Variants in PKD2 observed in about 807,000 individuals in gnomAD.
PKD2 encodes the protein polycystin-2.
A neutral mutation model predicts 105.9 loss-of-function variants in PKD2; 48 were observed. The observed-to-expected ratio is 0.45, with a 90% CI of 0.36 to 0.58. The LOEUF (loss-of-function observed/expected upper bound fraction) is 0.58, where lower values mean the gene tolerates loss of function less well. Among genes scored for constraint, PKD2 ranks in the 20% least tolerant of loss-of-function variants. PKD2 has a pLI of 0.00. For synonymous variants in PKD2, 464 were observed against 481.1 expected, an observed-to-expected ratio of 0.96 and a Z score of 0.46; for missense variants, 1,078 against 1,255.3, an observed-to-expected ratio of 0.86 and a Z score of 2.13.
At position 88,013,717 on chromosome 4, in the gene PKD2, A is replaced by AAAAAAAG. The variant is rs1489729554; in HGVS notation, c.595+5391_595+5397dup. Among the ~76,000 whole-genome samples the AAAAAAAG allele has an allele frequency of 4.6e-5, 7 of 152,172 alleles. No individual in the cohort carries two copies. In the East Asian group the frequency reaches 1.4e-3, roughly 29 times the overall value. ...AGGTGAGAGCCTGTATCTAAAAAAAAAAAAAAGAGAGGATCAGATTTACCT... is the reference window on the plus strand; with the variant it reads ...AGGTGAGAGCCTGTATCTAAAAAAAAAAAAAAGAAAAAAGAGAGGATCAGATTTACCT... On this transcript the variant is annotated intron_variant, in intron 1 of 14. Transcript: ENST00000237596.
chr4:88,054,068 TTAATAA>T (rs1214606405), intron 7 of PKD2, among the ~76,000 whole-genome samples: 1 of 150,130 alleles, frequency 6.7e-6, no homozygotes, highest in Non-Finnish European at 1.5e-5. Flanking sequence ...TATTATTAGT[TTAATAA>T]TAATAATCAA....
chr4:88,036,410 T>C lies in PKD2; in HGVS notation c.843+57T>C, dbSNP rs17786456. The C allele has an allele frequency of 0.29, 469,684 of 1,604,154 alleles. 75,164 individuals carry two copies. Among genetic ancestry groups the C allele is most frequent in the Non-Finnish European group, 0.33 (390,196 of 1,173,652 alleles). ...TATCACAGAAAATTGTTCATTTGGC[T>C]TCATCATTTCAATGCATGAGTATCG... is the stretch of plus-strand genomic sequence containing the variant. On this transcript the variant is annotated intron_variant, in intron 3 of 14. Transcript: ENST00000237596.
In PKD2 at chr4:88,067,804, G is replaced by A. The variant is rs147905401; in HGVS notation, c.2359-94G>A. 27 of 1,004,756 alleles carry A rather than the reference G, an allele frequency of 2.7e-5. No individual in the cohort carries two copies. The African/African-American group carries it at 3.3e-4, about 12-fold the overall frequency. 62.2% of individuals were successfully genotyped at this position (1,004,756 alleles called of 1,614,324 possible). On this transcript the variant is annotated intron_variant, in intron 12 of 14. Coordinates refer to ENST00000237596, the MANE Select transcript of PKD2 (RefSeq NM_000297.4). ...AATACAAAGAAATCCCAGGTAAATG[G>A]CATGCACCCAGTTCCTGCTTGCCCA...
chr4:88,039,901 C>T (rs191717212), intron 4 of PKD2, among the ~76,000 whole-genome samples: 19 of 152,232 alleles, frequency 1.2e-4, no homozygotes, highest in African/African-American at 4.3e-4. Context: ...GCCACCATGC[C>T]CAGCTTTATT....
chr4:88,067,713 C>G (rs189927634), intron 12 of PKD2, among the ~76,000 whole-genome samples, 185 bp from the exon 13 acceptor site: 1 of 152,120 alleles, frequency 6.6e-6, no homozygotes, highest in Non-Finnish European at 1.5e-5. Flanking sequence ...GTTGGCTATT[C>G]CTTGCTGTTA....
At chr4:88,059,741 A>ATATG (rs1398179288) in intron 9 of PKD2, among the ~76,000 whole-genome samples, 7 of 142,872 alleles carry the variant, frequency 4.9e-5, no homozygotes, top group East Asian at 2.4e-4. Context: ...AGATACATAC[A>ATATG]TACGTACATA....
Position 88,074,907 on chromosome 4 carries a change from C to G in PKD2, c.2618C>G (p.Ala873Gly), listed in dbSNP as rs1463305984. ...GTGAAGCTAGAGATTATGGAGCGAG[C>G]CAAACTGAAGAGGAGGGAGGTGCTG... Reference protein sequence around the residue: ...VIVKLEIMERAKLKRREVLGR... With the variant: ...VIVKLEIMERGKLKRREVLGR... Residue 873 changes from alanine (A) to glycine (G), a missense_variant, in exon 14 of 15, where the codon GCC becomes GGC. Ala to Gly is a moderately conservative substitution (Grantham distance 60). This residue lies in a region of PKD2 where 868 missense variants were observed against 1,067.3 expected (regional missense o/e 0.81). Coordinates refer to ENST00000237596, the MANE Select transcript of PKD2 (RefSeq NM_000297.4). 1 of 1,613,962 alleles carries G rather than the reference C, an allele frequency of 6.2e-7. No homozygotes were observed. The highest frequency in any genetic ancestry group is 1.7e-5 in the Admixed American group (1 of 59,984).
rs753896366 is a variant in PKD2 at position 88,065,544 on chromosome 4, T to G, written c.2240+49T>G. ...TCTGAAAAATTCCTGCTTCTAAAGATAAATTCCTGGTGATAAGAGTATTTC... is the reference window on the plus strand; with the variant it reads ...TCTGAAAAATTCCTGCTTCTAAAGAGAAATTCCTGGTGATAAGAGTATTTC... On this transcript the variant is annotated intron_variant, in intron 11 of 14. Coordinates refer to ENST00000237596, the MANE Select transcript of PKD2 (RefSeq NM_000297.4). The G allele has an allele frequency of 3.1e-6, 5 of 1,587,594 alleles. No individual in the cohort carries two copies. The East Asian group carries it at 8.9e-5, about 28-fold the overall frequency.
At chr4:88,060,429 A>T (rs1720525697) in intron 9 of PKD2, among the ~76,000 whole-genome samples, 1 of 137,028 alleles carries the variant, frequency 7.3e-6, no homozygotes, top group East Asian at 2.6e-4. Flanking sequence ...GTATTTACTA[A>T]GCCACTATAT....
intron 2 of PKD2, among the ~76,000 whole-genome samples, chr4:88,023,781 G>GC (rs1372659858): frequency 2.0e-5 from 3 of 152,184 alleles, no homozygotes; most frequent in Non-Finnish European, 4.4e-5. Context: ...AGTTATTCTT[G>GC]CCAAAGATTG....
In PKD2 at chr4:88,008,422, A is replaced by C. The variant is rs1001574566; in HGVS notation, c.595+94A>C. ...CCGCTGCGGCAGCTCCCCGGGCTCC[A>C]TCTCGCATCCCCTCTGCGTTCCGCC... On this transcript the variant is annotated intron_variant, in intron 1 of 14. Coordinates refer to ENST00000237596, the MANE Select transcript of PKD2 (RefSeq NM_000297.4). The C allele has an allele frequency of 1.6e-5, 22 of 1,418,038 alleles. 2 individuals carry two copies. The South Asian group carries it at 2.4e-4, about 15-fold the overall frequency. 87.8% of individuals were successfully genotyped at this position (1,418,038 alleles called of 1,614,324 possible).
chr4:88,027,975 C>G (rs1192035295), intron 2 of PKD2, among the ~76,000 whole-genome samples: 1 of 152,214 alleles, frequency 6.6e-6, no homozygotes, highest in East Asian at 1.9e-4. Flanking sequence ...TGCCTATTCT[C>G]AGGCAGTTCT....
At chr4:88,062,068 C>A in intron 10 of PKD2, 64 bp downstream of exon 10, 1 of 838,300 alleles carries the variant, frequency 1.2e-6, no homozygotes. Flanking sequence ...TTGTTTCACC[C>A]AGATTTTCAA....
rs1292550793 is a variant in PKD2 at position 88,008,224 on chromosome 4, G to A, written c.491G>A (p.Cys164Tyr). Residue 164 changes from cysteine to tyrosine, a missense_variant, in exon 1 of 15, where the codon TGC becomes TAC. Coordinates refer to ENST00000237596, the MANE Select transcript of PKD2 (RefSeq NM_000297.4). ...RRRREDQGPP[C>Y]PSPVGGGDPL... Reference sequence around the variant, plus strand: ...CGGCGAGAGGACCAGGGCCCGCCGTGCCCCAGCCCAGTCGGCGGCGGGGAC... The same window carrying A: ...CGGCGAGAGGACCAGGGCCCGCCGTACCCCAGCCCAGTCGGCGGCGGGGAC... 2 of 1,415,142 alleles carry A rather than the reference G, an allele frequency of 1.4e-6. No homozygotes were observed. The highest frequency in any genetic ancestry group is 3.0e-5 in the South Asian group (2 of 67,530). 87.7% of individuals were successfully genotyped at this position (1,415,142 alleles called of 1,614,324 possible).
At position 88,046,650 on chromosome 4, in the gene PKD2, T is replaced by C; in HGVS notation, c.1328T>C (p.Val443Ala). The change falls in exon 6 of 15, where the codon GTT (valine) becomes GCT (alanine). Residue 443 changes from valine (V) to alanine (A), a missense_variant. Val to Ala is a moderately conservative substitution (Grantham distance 64). This residue lies in a region of PKD2 where 868 missense variants were observed against 1,067.3 expected (regional missense o/e 0.81). Transcript: ENST00000237596. ...INLFCVVRLL[V>A]EFPATGGVIP... Reference sequence around the variant, plus strand: ...TTCTTATTTACATGCAGGTTATTGGTTGAATTCCCAGCAACAGGTGGTGTG... The same window carrying C: ...TTCTTATTTACATGCAGGTTATTGGCTGAATTCCCAGCAACAGGTGGTGTG... 1 of 1,595,228 alleles carries C rather than the reference T, an allele frequency of 6.3e-7. No individual in the cohort carries two copies. The highest frequency in any genetic ancestry group is 8.6e-7 in the Non-Finnish European group (1 of 1,162,672).
At chr4:88,075,146 C>T (rs1374933510) in intron 14 of PKD2, among the ~76,000 whole-genome samples, 187 bp downstream of exon 14, 1 of 152,140 alleles carries the variant, frequency 6.6e-6, no homozygotes, top group Admixed American at 6.5e-5. Flanking sequence ...AACACTCTTT[C>T]TATAAAATCT....
intron 12 of PKD2, among the ~76,000 whole-genome samples, chr4:88,067,575 G>A (rs530213763): frequency 6.4e-4 from 98 of 152,200 alleles, no homozygotes; most frequent in African/African-American, 2.2e-3. Context: ...GCTTCAAGCA[G>A]TACTCCTGCC....
intron 2 of PKD2, 69 bp from the exon 3 acceptor site, chr4:88,036,151 G>A (rs1388922431): frequency 1.2e-6 from 2 of 1,612,996 alleles, no homozygotes; most frequent in African/African-American, 1.3e-5. Flanking sequence ...ATCCCTTTGT[G>A]AAGGCTGCTG....
intron 2 of PKD2, among the ~76,000 whole-genome samples, chr4:88,033,797 C>T (rs1727240791): frequency 1.3e-5 from 2 of 152,196 alleles, no homozygotes; most frequent in Non-Finnish European, 2.9e-5. Context: ...CATTCCAATT[C>T]CAAGTTAACT....
Sources: gnomAD v4.1 joint callset for allele counts (sites outside exome capture counted in the v4.1 genomes callset) on GRCh38, gnomAD v4.1.1 for gene constraint, gnomAD v4.1.1 regional missense constraint, MANE v1.5 for transcripts, NCBI Gene and HGNC (gene_info 2026-07-23, HGNC 2026-07-21) for gene names.